FTO: variants seen among roughly 807,000 people sequenced by gnomAD.
FTO encodes the protein FTO alpha-ketoglutarate dependent dioxygenase.
A neutral mutation model predicts 63.9 loss-of-function variants in FTO; 47 were observed. The observed-to-expected ratio is 0.74, with a 90% CI of 0.58 to 0.94. FTO has a LOEUF of 0.94. Among genes scored for constraint, FTO ranks in the 40% least tolerant of loss-of-function variants. The pLI, the probability that FTO is intolerant of heterozygous loss-of-function variation, is 0.00. For synonymous variants in FTO, 207 were observed against 224.4 expected, an observed-to-expected ratio of 0.92 and a Z score of 0.69; for missense variants, 562 against 618.1, an observed-to-expected ratio of 0.91 and a Z score of 0.96.
chr16:53,832,663 G>C (rs1476169176), intron 3 of FTO, among the ~76,000 whole-genome samples: 1 of 152,076 alleles, frequency 6.6e-6, no homozygotes, highest in East Asian at 1.9e-4. Flanking sequence ...ACTTAGCATA[G>C]TTATTTTGAG....
Position 53,911,504 on chromosome 16 carries a change from G to A in FTO, c.1240-22481G>A, listed in dbSNP as rs1490404503. The A allele has an allele frequency of 4.3e-6, 3 of 702,880 alleles. No individual in the cohort carries two copies. The African/African-American group carries it at 5.2e-5, about 12-fold the overall frequency. 43.5% of individuals were successfully genotyped at this position (702,880 alleles called of 1,614,324 possible). On this transcript the variant is annotated intron_variant, in intron 7 of 8. Transcript: ENST00000471389. Reference sequence around the variant, plus strand: ...AGAATGGTAAGGACAGGAGGACAAGGTGGGGGAAGATAGGTGAATCTATAG... The same window carrying A: ...AGAATGGTAAGGACAGGAGGACAAGATGGGGGAAGATAGGTGAATCTATAG...
chr16:54,109,516 G>A (rs2144627401), intron 8 of FTO, among the ~76,000 whole-genome samples: 1 of 152,242 alleles, frequency 6.6e-6, no homozygotes, highest in African/African-American at 2.4e-5. Context: ...TTTTTTAGTA[G>A]AGACAGGGTT....
At chr16:53,986,991 T>C (rs1030731690) in intron 8 of FTO, among the ~76,000 whole-genome samples, 8 of 152,200 alleles carry the variant, frequency 5.3e-5, no homozygotes, top group Admixed American at 1.3e-4. Flanking sequence ...TAAATGAAAA[T>C]GTAATTAGGT....
At chr16:53,730,239 T>C (rs2076241288) in intron 1 of FTO, among the ~76,000 whole-genome samples, 1 of 152,120 alleles carries the variant, frequency 6.6e-6, no homozygotes, top group Non-Finnish European at 1.5e-5. Flanking sequence ...AATAGAAATA[T>C]TATATATACT....
At chr16:53,856,479 G>A (rs1245456467) in intron 4 of FTO, among the ~76,000 whole-genome samples, 1 of 151,850 alleles carries the variant, frequency 6.6e-6, no homozygotes, top group Non-Finnish European at 1.5e-5. Context: ...ATTTTCTATG[G>A]GAGTGAAAAC....
At chr16:53,909,765 T>C (rs543547400) in intron 7 of FTO, among the ~76,000 whole-genome samples, 3 of 152,054 alleles carry the variant, frequency 2.0e-5, no homozygotes, top group Non-Finnish European at 4.4e-5. Context: ...GGTTTCACCA[T>C]GTTGGCCAGG....
chr16:54,007,593 C>T (rs1270611242), intron 8 of FTO, among the ~76,000 whole-genome samples: 2 of 152,206 alleles, frequency 1.3e-5, no homozygotes, highest in Non-Finnish European at 2.9e-5. Context: ...TCACAAGCTC[C>T]AATGCCTGCA....
At chr16:54,091,764 T>A (rs940930444) in intron 8 of FTO, among the ~76,000 whole-genome samples, 23 of 152,194 alleles carry the variant, frequency 1.5e-4, no homozygotes, top group Non-Finnish European at 2.9e-4. Context: ...CCAGACTGCC[T>A]GGGTTCACAT....
At chr16:54,017,398 T>C (rs553586414) in intron 8 of FTO, among the ~76,000 whole-genome samples, 10 of 152,300 alleles carry the variant, frequency 6.6e-5, no homozygotes, top group Admixed American at 5.2e-4. Context: ...TATCATGAGC[T>C]TCTTTGGGAC....
chr16:53,708,844 T>C (rs998472663), intron 1 of FTO, among the ~76,000 whole-genome samples: 4 of 152,248 alleles, frequency 2.6e-5, no homozygotes, highest in African/African-American at 9.6e-5. Context: ...CTGTTCAAAA[T>C]CTTTGCCCAT....
chr16:54,099,422 T>A (rs918279844), intron 8 of FTO, among the ~76,000 whole-genome samples: 29 of 152,194 alleles, frequency 1.9e-4, no homozygotes, highest in Non-Finnish European at 4.4e-5. Flanking sequence ...CATAGCATTG[T>A]GTGCTGGGGA....
intron 8 of FTO, among the ~76,000 whole-genome samples, chr16:53,939,402 G>T (rs2082471003): frequency 6.6e-6 from 1 of 152,132 alleles, no homozygotes; most frequent in South Asian, 2.1e-4. Context: ...ACCAAAAAAA[G>T]AGATGAAAGC....
At chr16:54,083,825 C>G (rs2086203190) in intron 8 of FTO, among the ~76,000 whole-genome samples, 1 of 152,258 alleles carries the variant, frequency 6.6e-6, no homozygotes, top group Non-Finnish European at 1.5e-5. Flanking sequence ...ACTAAGCTAT[C>G]TTTTGTTCCT....
At chr16:53,858,300 A>G (rs1239172624) in intron 4 of FTO, among the ~76,000 whole-genome samples, 1 of 152,200 alleles carries the variant, frequency 6.6e-6, no homozygotes, top group East Asian at 1.9e-4. Context: ...TAAGCAATAC[A>G]AACTTTAAAA....
chr16:53,903,218 ATTC>A (rs1323709498), intron 7 of FTO, among the ~76,000 whole-genome samples: 1 of 150,898 alleles, frequency 6.6e-6, no homozygotes, highest in African/African-American at 2.4e-5. Context: ...GGCTAGCACT[ATTC>A]TTAGTTCTTT....
At chr16:54,002,516 T>C (rs1256414869) in intron 8 of FTO, among the ~76,000 whole-genome samples, 4 of 152,192 alleles carry the variant, frequency 2.6e-5, no homozygotes, top group African/African-American at 9.6e-5. Flanking sequence ...TGCCCAACCT[T>C]CTAGAGAAGT....
chr16:53,996,863 C>T (rs989994353), intron 8 of FTO, among the ~76,000 whole-genome samples: 3 of 152,080 alleles, frequency 2.0e-5, no homozygotes, highest in African/African-American at 4.8e-5. Context: ...AATCCCAGCA[C>T]TTTGGGAGGC....
In FTO at chr16:53,779,537, A is replaced by G. The variant is rs1326884029; in HGVS notation, c.46-30603A>G. Among the ~76,000 whole-genome samples the G allele has an allele frequency of 2.6e-5, 4 of 152,140 alleles. No individual in the cohort carries two copies. In the East Asian group the frequency reaches 7.7e-4, roughly 29 times the overall value. On this transcript the variant is annotated intron_variant, in intron 1 of 8. Transcript: ENST00000471389. ...TTTGGTGCACTCCCAATTTACTCTA[A>G]ACTTCTACGGGCTTCCTTGGAGAAA...
At chr16:53,896,345 G>A (rs1368122878) in intron 7 of FTO, among the ~76,000 whole-genome samples, 1 of 151,174 alleles carries the variant, frequency 6.6e-6, no homozygotes, top group African/African-American at 2.4e-5. Context: ...GAGCATGGTA[G>A]AGGGATTAAA....
Sources: allele counts gnomAD v4.1 joint callset (sites outside exome capture counted in the v4.1 genomes callset), GRCh38; gene constraint gnomAD v4.1.1; transcripts MANE v1.5; gene names NCBI Gene and HGNC (gene_info 2026-07-23, HGNC 2026-07-21).